KAZN: variants seen among roughly 807,000 people sequenced by gnomAD.
KAZN encodes the protein kazrin, periplakin interacting protein, also known as kazrin.
Under a neutral mutation model 87.4 loss-of-function variants are expected in KAZN, and 40 were observed. The ratio of observed to expected loss-of-function variants is 0.46; its 90% CI spans 0.36 to 0.60. The LOEUF (loss-of-function observed/expected upper bound fraction) is 0.60. KAZN is among the 20% of genes least tolerant of loss of function. KAZN has a pLI of 0.00. For synonymous variants in KAZN, 466 were observed against 458.3 expected (o/e 1.02, Z -0.22); for missense variants, 898 against 1,073.9 (o/e 0.84, Z 2.29).
At chr1:14,264,300 G>A (rs1651308967) in intron 2 of KAZN, among the ~76,000 whole-genome samples, 1 of 152,154 alleles carries the variant, frequency 6.6e-6, no homozygotes, top group African/African-American at 2.4e-5. Context: ...AGGAGTGGGT[G>A]TTTGCTAGAG....
chr1:14,586,805 G>T (rs767863108), intron 2 of KAZN, among the ~76,000 whole-genome samples: 8 of 152,048 alleles, frequency 5.3e-5, no homozygotes, highest in Non-Finnish European at 1.2e-4. Flanking sequence ...CTCTCAAAGT[G>T]CTGGGATTGT....
At chr1:14,528,041 A>G (rs936038519) in intron 2 of KAZN, among the ~76,000 whole-genome samples, 9 of 151,558 alleles carry the variant, frequency 5.9e-5, no homozygotes, top group African/African-American at 2.2e-4. Flanking sequence ...CTATCTATCT[A>G]TCTATCTATG....
intron 1 of KAZN, among the ~76,000 whole-genome samples, chr1:14,725,580 A>C (rs901124163): frequency 6.6e-5 from 10 of 152,052 alleles, no homozygotes; most frequent in African/African-American, 2.4e-4. Flanking sequence ...CAGCCATGTT[A>C]TCACTGTTCC....
chr1:14,012,983 A>G (rs370575332), intron 1 of KAZN, among the ~76,000 whole-genome samples: 7 of 152,328 alleles, frequency 4.6e-5, no homozygotes, highest in East Asian at 1.9e-4. Flanking sequence ...CCTGATAGAG[A>G]CCAGCATCCC....
At chr1:14,471,604 A>G (rs12733165) in intron 2 of KAZN, among the ~76,000 whole-genome samples, 1 of 152,296 alleles carries the variant, frequency 6.6e-6, no homozygotes, top group African/African-American at 2.4e-5. Flanking sequence ...CCAGACCACC[A>G]TGTACCCAAG....
chr1:14,440,702 G>C (rs1014925200), intron 2 of KAZN, among the ~76,000 whole-genome samples: 2 of 152,176 alleles, frequency 1.3e-5, no homozygotes, highest in African/African-American at 4.8e-5. Context: ...AGCCACAGCA[G>C]AGCATTAAAC....
At chr1:14,394,273 G>A (rs1662707378) in intron 2 of KAZN, among the ~76,000 whole-genome samples, 2 of 152,230 alleles carry the variant, frequency 1.3e-5, no homozygotes, top group African/African-American at 4.8e-5. Context: ...GAATGGCAAT[G>A]GCCTGAGACC....
At chr1:14,243,014 G>C (rs548587703) in intron 2 of KAZN, among the ~76,000 whole-genome samples, 4 of 152,296 alleles carry the variant, frequency 2.6e-5, no homozygotes, top group African/African-American at 9.6e-5. Flanking sequence ...AGAGCAGCAT[G>C]TGACCACGAA....
chr1:14,320,199 A>G (rs1329320299), intron 2 of KAZN, among the ~76,000 whole-genome samples: 2 of 152,136 alleles, frequency 1.3e-5, no homozygotes, highest in African/African-American at 4.8e-5. Context: ...TCTTTGGTAG[A>G]ATGAGGAGGC....
At chr1:15,047,084 G>T (rs180917797) in intron 4 of KAZN, among the ~76,000 whole-genome samples, 12 of 152,346 alleles carry the variant, frequency 7.9e-5, no homozygotes, top group Admixed American at 5.9e-4. Context: ...GGCATCAGAT[G>T]CATCTGCCCG....
intron 4 of KAZN, among the ~76,000 whole-genome samples, chr1:15,045,075 G>C (rs1366868057): frequency 6.6e-6 from 1 of 152,198 alleles, no homozygotes; most frequent in East Asian, 1.9e-4. Flanking sequence ...TGTTCTGCCT[G>C]CTCCTGTGTG....
chr1:14,190,019 T>C (rs1646391344), intron 2 of KAZN, among the ~76,000 whole-genome samples: 1 of 152,252 alleles, frequency 6.6e-6, no homozygotes, highest in South Asian at 2.1e-4. Flanking sequence ...TCTGAACAGC[T>C]GGAGGACATA....
chr1:14,590,328 G>C (rs1676118517), intron 2 of KAZN, among the ~76,000 whole-genome samples: 1 of 152,182 alleles, frequency 6.6e-6, no homozygotes, highest in African/African-American at 2.4e-5. Flanking sequence ...TCCCTCCTCT[G>C]CTTCTGCCTC....
At chr1:15,033,617 T>C (rs1182928882) in intron 2 of KAZN, among the ~76,000 whole-genome samples, 1 of 152,180 alleles carries the variant, frequency 6.6e-6, no homozygotes, top group Non-Finnish European at 1.5e-5. Flanking sequence ...TTCTAGTGAG[T>C]GTGAAGTGGT....
chr1:14,806,665 A>T (rs1646233182), intron 1 of KAZN, among the ~76,000 whole-genome samples: 2 of 152,162 alleles, frequency 1.3e-5, no homozygotes, highest in African/African-American at 4.8e-5. Flanking sequence ...TTAATTATTC[A>T]TTGATCTGTG....
chr1:13,959,272 A>G (rs1291022286), intron 1 of KAZN, among the ~76,000 whole-genome samples: 1 of 152,162 alleles, frequency 6.6e-6, no homozygotes, highest in African/African-American at 2.4e-5. Context: ...CACCACCTTG[A>G]TCTTAGACTT....
At chr1:14,963,018 G>A (rs1043774885) in intron 2 of KAZN, among the ~76,000 whole-genome samples, 9 of 150,874 alleles carry the variant, frequency 6.0e-5, no homozygotes, top group Admixed American at 3.3e-4. Context: ...AGAATGAAAC[G>A]AGGTAATGTC....
At chr1:14,030,029 T>G (rs1187478900) in intron 1 of KAZN, among the ~76,000 whole-genome samples, 28 of 152,212 alleles carry the variant, frequency 1.8e-4, no homozygotes, top group South Asian at 8.3e-4. Flanking sequence ...TTGGTAGCTT[T>G]ATGGGGATGG....
chr1:13,904,737 T>C (rs1639374053), intron 1 of KAZN, among the ~76,000 whole-genome samples: 2 of 152,162 alleles, frequency 1.3e-5, no homozygotes, highest in South Asian at 4.1e-4. Context: ...TAGCTAGGGG[T>C]AGGTCTAATT....
Sources: allele counts gnomAD v4.1 joint callset (sites outside exome capture counted in the v4.1 genomes callset), GRCh38; gene constraint gnomAD v4.1.1; transcripts MANE v1.5; gene names NCBI Gene and HGNC (gene_info 2026-07-23, HGNC 2026-07-21).